The following CYTL1 variants were observed in gnomAD, a reference collection of about 807,000 sequenced individuals.
The protein encoded by CYTL1 is cytokine-like protein 1.
In CYTL1, 17 loss-of-function variants were observed where a neutral mutation model predicts 13.1. The ratio of observed to expected loss-of-function variants is 1.29; its 90% CI spans 0.89 to 1.94. The LOEUF is 1.94. Among genes scored for constraint, CYTL1 ranks in the 30% most tolerant of loss-of-function variants. The probability of loss-of-function intolerance (pLI) is 0.00; values close to 1 mark genes in which losing one functional copy is unlikely to be tolerated. For synonymous variants in CYTL1, 91 were observed against 79.4 expected, an observed-to-expected ratio of 1.15 and a Z score of -0.78; for missense variants, 213 against 174.8, an observed-to-expected ratio of 1.22 and a Z score of -1.23.
At chr4:5,017,847 GTTTT>G in intron 1 of CYTL1, among the ~76,000 whole-genome samples, 1 of 152,222 alleles carries the variant, frequency 6.6e-6, no homozygotes, top group African/African-American at 2.4e-5. Flanking sequence ...TTGGGCTTCC[GTTTT>G]TGCGCAGGGC....
intron 3 of CYTL1, among the ~76,000 whole-genome samples, chr4:5,016,357 C>T (rs1246884804): frequency 6.6e-6 from 1 of 152,226 alleles, no homozygotes; most frequent in Non-Finnish European, 1.5e-5. Context: ...AAGACAGGCA[C>T]TCCCACTTGG....
chr4:5,016,942 A>C lies in CYTL1; in HGVS notation c.221T>G (p.Leu74Arg). 6.2e-7 allele frequency: 1 copy of C among 1,614,216 alleles called. No individual in the cohort carries two copies. The highest frequency in any genetic ancestry group is 8.5e-7 in the Non-Finnish European group (1 of 1,180,038). Residue 74 changes from leucine (L) to arginine (R), a missense_variant, in exon 3 of 4, where the codon CTG becomes CGG. Physicochemically the swap from Leu to Arg is moderately radical, Grantham distance 102. Transcript: ENST00000307746. Reference sequence around the variant, plus strand: ...CGGGGGCGAGGCCACAAAGTCCCGCAGCTTGTCCAGCACACAGTAATTCTG... The same window carrying C: ...CGGGGGCGAGGCCACAAAGTCCCGCCGCTTGTCCAGCACACAGTAATTCTG... ...DIHNYCVLDK[L>R]RDFVASPPCW...
intron 1 of CYTL1, among the ~76,000 whole-genome samples, chr4:5,017,611 AACTTATATAATAATAT>A (rs1488133690): frequency 7.3e-5 from 11 of 150,364 alleles, no homozygotes; most frequent in Non-Finnish European, 1.5e-4. Context: ...GTTATATAGT[AACTTATATAATAATAT>A]ACTTATATAA....
chr4:5,016,646 C>G (rs1338846926), intron 3 of CYTL1, among the ~76,000 whole-genome samples, 190 bp downstream of exon 3: 7 of 152,102 alleles, frequency 4.6e-5, no homozygotes, highest in African/African-American at 1.7e-4. Context: ...AGACAAAGGG[C>G]CTTGTCCTGA....
chr4:5,019,357 C>G lies in CYTL1; in HGVS notation c.89G>C (p.Arg30Pro). 6.6e-7 allele frequency: 1 copy of G among 1,512,134 alleles called. No individual in the cohort carries two copies. Among genetic ancestry groups the G allele is most frequent in the Non-Finnish European group, 8.8e-7 (1 of 1,137,938 alleles). 93.7% of individuals were successfully genotyped at this position (1,512,134 alleles called of 1,614,324 possible). A position where few individuals can be genotyped will look rare whatever the true frequency, so the allele number is the denominator to read the frequency against. The change falls in exon 1 of 4, where the codon CGC (arginine) becomes CCC (proline). Residue 30 changes from arginine (R) to proline (P), a missense_variant. By Grantham distance (103) the Arg-to-Pro change is moderately radical. Transcript: ENST00000307746. ...ARPTPPTCYS[R>P]MRALSQEITR... is the part of the protein sequence containing the mutation. ...GATCTCCTGGCTCAGGGCCCGCATG[C>G]GGGAGTAGCAGGTCGGGGGAGTGGG...
chr4:5,019,213 C>CT (rs372627440), intron 1 of CYTL1, 80 bp downstream of exon 1: 6,622 of 959,092 alleles, frequency 6.9e-3, no homozygotes, highest in South Asian at 8.1e-3. Context: ...CTCTCTCTCT[C>CT]TTTTTTTTTT....
Position 5,019,337 on chromosome 4 carries a change from C to T in CYTL1, c.109G>A (p.Glu37Lys), listed in dbSNP as rs1297915065. The part of the protein sequence containing the change: ...CYSRMRALSQ[E>K]ITRDFNLLQV... ...AGGAGGTTGAAGTCGCGGGTGATCT[C>T]CTGGCTCAGGGCCCGCATGCGGGAG... The change falls in exon 1 of 4, where the codon GAG (glutamate) becomes AAG (lysine). Residue 37 changes from glutamate to lysine, a missense_variant. Coordinates refer to ENST00000307746, the MANE Select transcript of CYTL1 (RefSeq NM_018659.3). 6.6e-7 allele frequency: 1 copy of T among 1,512,416 alleles called. No homozygotes were observed. Among genetic ancestry groups the T allele is most frequent in the African/African-American group, 1.5e-5 (1 of 68,286 alleles). The allele number at this position is 1,512,416 out of a possible 1,614,324, so 93.7% of individuals were successfully genotyped here. A position where few individuals can be genotyped will look rare whatever the true frequency, so the allele number is the denominator to read the frequency against.
chr4:5,015,206 T>C lies in CYTL1; in HGVS notation c.356A>G (p.Asn119Ser), dbSNP rs757725243. 4.3e-6 allele frequency: 7 copies of C among 1,613,848 alleles called. No individual in the cohort carries two copies. The highest frequency in any genetic ancestry group is 5.9e-6 in the Non-Finnish European group (7 of 1,179,894). ...RDLVFLLDDCNALEYPIPVTT... is the reference protein window; with the variant it reads ...RDLVFLLDDCSALEYPIPVTT... ...CACTGGGATTGGGTATTCCAAGGCA[T>C]TGCAGTCATCCAACAGGAATACCAA... The change falls in exon 4 of 4, where the codon AAT becomes AGT. Residue 119 changes from asparagine to serine, a missense_variant. Transcript: ENST00000307746.
intron 3 of CYTL1, 147 bp downstream of exon 3, chr4:5,016,689 G>T: frequency 9.8e-7 from 1 of 1,022,840 alleles, no homozygotes; most frequent in Non-Finnish European, 1.4e-6. Flanking sequence ...CCATGGTTGA[G>T]AAAGGGCTTT....
intron 3 of CYTL1, among the ~76,000 whole-genome samples, chr4:5,015,677 A>T (rs1180665410): frequency 1.3e-5 from 2 of 152,176 alleles, no homozygotes; most frequent in African/African-American, 4.8e-5. Context: ...GAGGAGGAGG[A>T]AACTGGGTGT....
chr4:5,016,949 C>T lies in CYTL1; in HGVS notation c.214G>A (p.Asp72Asn). The T allele has an allele frequency of 6.2e-7, 1 of 1,614,192 alleles. No individual in the cohort carries two copies. The highest frequency in any genetic ancestry group is 8.5e-7 in the Non-Finnish European group (1 of 1,180,032). The change falls in exon 3 of 4, where the codon GAC (aspartate) becomes AAC (asparagine). Residue 72 changes from aspartate (D) to asparagine (N), a missense_variant. Asp to Asn is a conservative substitution (Grantham distance 23, BLOSUM62 1). Transcript: ENST00000307746. ...GAGGCCACAAAGTCCCGCAGCTTGT[C>T]CAGCACACAGTAATTCTGGGAGTGG... The part of the protein sequence containing the change: ...YLDIHNYCVL[D>N]KLRDFVASPP...
At position 5,019,416 on chromosome 4, in the gene CYTL1, C is replaced by A. The variant is rs370020238; in HGVS notation, c.30G>T (p.Leu10=). ...CGGGGGCTCCCGCCAGGAGCAGCAG[C>A]AGCACGGGCAGAGGCCCAGGCGTCC... The part of the protein sequence containing the change: MRTPGPLPV[L]LLLLAGAPAA... The change falls in exon 1 of 4, where the codon CTG becomes CTT. Residue 10 remains leucine (L), a synonymous_variant. Transcript: ENST00000307746. 1.0e-3 allele frequency: 1,510 copies of A among 1,484,766 alleles called. 3 individuals are homozygous for A. Among genetic ancestry groups the A allele is most frequent in the Non-Finnish European group, 1.3e-3 (1,410 of 1,126,044 alleles). 92.0% of individuals were successfully genotyped at this position (1,484,766 alleles called of 1,614,324 possible).
rs1741086329 is a variant in CYTL1, at chr4:5,016,907, C to T, written c.256G>A (p.Val86Met). ...DFVASPPCWKVAQVDSLKDKA... is the reference protein window; with the variant it reads ...DFVASPPCWKMAQVDSLKDKA... Reference sequence around the variant, plus strand: ...TCCTTCAAGGAATCTACCTGGGCCACTTTCCAACACGGGGGCGAGGCCACA... The same window carrying T: ...TCCTTCAAGGAATCTACCTGGGCCATTTTCCAACACGGGGGCGAGGCCACA... The change falls in exon 3 of 4, where the codon GTG becomes ATG. Residue 86 changes from valine (V) to methionine (M), a missense_variant. Coordinates refer to ENST00000307746, the MANE Select transcript of CYTL1 (RefSeq NM_018659.3). 1.2e-6 allele frequency: 2 copies of T among 1,614,116 alleles called. No homozygotes were observed. The highest frequency in any genetic ancestry group is 2.2e-5 in the South Asian group (2 of 91,092).
Position 5,016,916 on chromosome 4 carries a change from A to T in CYTL1, c.247T>A (p.Cys83Ser). ...KLRDFVASPP[C>S]WKVAQVDSLK... ...GAATCTACCTGGGCCACTTTCCAAC[A>T]CGGGGGCGAGGCCACAAAGTCCCGC... The change falls in exon 3 of 4, where the codon TGT becomes AGT. Residue 83 changes from cysteine to serine, a missense_variant. Coordinates refer to ENST00000307746, the MANE Select transcript of CYTL1 (RefSeq NM_018659.3). 1 of 1,614,164 alleles carries T rather than the reference A, an allele frequency of 6.2e-7. No homozygotes were observed. The highest frequency in any genetic ancestry group is 8.5e-7 in the Non-Finnish European group (1 of 1,180,022).
At position 5,016,858 on chromosome 4, in the gene CYTL1, A is replaced by C; in HGVS notation, c.305T>G (p.Ile102Ser). Residue 102 changes from isoleucine to serine, a missense_variant, in exon 3 of 4, where the codon ATC becomes AGC. Ile to Ser is a moderately radical substitution (Grantham distance 142, BLOSUM62 -2). Coordinates refer to ENST00000307746, the MANE Select transcript of CYTL1 (RefSeq NM_018659.3). ...LKDKARKLYT[I>S]MNSFCRRDLV... ...TACTCTCCTGCAGAACGAGTTCATG[A>C]TGGTGTACAGCTTCCGTGCTTTGTC... The C allele has an allele frequency of 6.2e-7, 1 of 1,614,210 alleles. No homozygotes were observed. The highest frequency in any genetic ancestry group is 1.6e-4 in the Middle Eastern group (1 of 6,062).
chr4:5,019,281 C>T lies in CYTL1; in HGVS notation c.153+12G>A, dbSNP rs67468870. 57,296 of 1,473,186 alleles carry T rather than the reference C, an allele frequency of 0.039. 1,892 individuals carry two copies. The highest frequency in any genetic ancestry group is 0.18 in the African/African-American group (11,868 of 67,370). 91.3% of individuals were successfully genotyped at this position (1,473,186 alleles called of 1,614,324 possible). A position where few individuals can be genotyped will look rare whatever the true frequency, so the allele number is the denominator to read the frequency against. On this transcript the variant is annotated intron_variant, in intron 1 of 3. Transcript: ENST00000307746. Reference sequence around the variant, plus strand: ...GCCATGCACCCCTGTCCTGAGCGGGCGGGGGACTCACCGAGGGCTCCGAGA... The same window carrying T: ...GCCATGCACCCCTGTCCTGAGCGGGTGGGGGACTCACCGAGGGCTCCGAGA...
intron 1 of CYTL1, among the ~76,000 whole-genome samples, chr4:5,018,837 C>T (rs1366347506): frequency 1.3e-5 from 2 of 152,142 alleles, no homozygotes; most frequent in African/African-American, 4.8e-5. Context: ...TTGCCCGGGT[C>T]CCTCAGCAGA....
chr4:5,014,903 C>T lies in CYTL1; in HGVS notation c.*248G>A, dbSNP rs960178965. On this transcript the variant is annotated 3_prime_UTR_variant, in exon 4 of 4. Transcript: ENST00000307746. ...TTCTTCTTTTTAGTGACCAAATCAA[C>T]ATGCTGTGTATCTAACCATCCTGGC... is the stretch of plus-strand genomic sequence containing the variant. The T allele has an allele frequency of 2.3e-5, 11 of 478,732 alleles. No individual in the cohort carries two copies. The East Asian group carries it at 3.8e-4, about 17-fold the overall frequency. The allele number at this position is 478,732 out of a possible 1,614,324, so 29.7% of individuals were successfully genotyped here.
At chr4:5,017,412 C>T (rs55685156) in intron 1 of CYTL1, among the ~76,000 whole-genome samples, 23,529 of 152,140 alleles carry the variant, frequency 0.15, 1,953 homozygotes, top group Middle Eastern at 0.23. Context: ...TGCTATGAAC[C>T]AGGGAGCTGT....
Sources: allele counts gnomAD v4.1 joint callset (sites outside exome capture counted in the v4.1 genomes callset), GRCh38; gene constraint gnomAD v4.1.1; transcripts MANE v1.5; gene names NCBI Gene and HGNC (gene_info 2026-07-23, HGNC 2026-07-21).